KAZN: variants seen among roughly 807,000 people sequenced by gnomAD.
The protein encoded by KAZN is kazrin, periplakin interacting protein.
In KAZN, 40 loss-of-function variants were observed where a neutral mutation model predicts 87.4. The ratio of observed to expected loss-of-function variants is 0.46; its 90% confidence interval spans 0.36 to 0.60. The LOEUF (loss-of-function observed/expected upper bound fraction) is 0.60, where lower values mean the gene tolerates loss of function less well. KAZN is among the 20% of genes least tolerant of loss of function. KAZN has a pLI of 0.00. For missense variants in KAZN, 898 were observed against 1,073.9 expected, an observed-to-expected ratio of 0.84 and a Z score of 2.29; for synonymous variants, 466 against 458.3, an observed-to-expected ratio of 1.02 and a Z score of -0.22.
At chr1:14,460,750 G>A in intron 2 of KAZN, among the ~76,000 whole-genome samples, 1 of 152,130 alleles carries the variant, frequency 6.6e-6, no homozygotes, top group East Asian at 1.9e-4. Context: ...CAGAAATAGA[G>A]GCTCCTTGGG....
intron 1 of KAZN, among the ~76,000 whole-genome samples, chr1:14,011,289 C>A (rs1640293288): frequency 1.3e-5 from 2 of 152,228 alleles, no homozygotes; most frequent in Admixed American, 1.3e-4. Context: ...TTCTTGCTCA[C>A]CATGATCCAG....
At chr1:14,182,597 A>G (rs998872767) in intron 2 of KAZN, among the ~76,000 whole-genome samples, 4 of 152,180 alleles carry the variant, frequency 2.6e-5, no homozygotes, top group Admixed American at 2.6e-4. Context: ...AGTGTTGCCA[A>G]GCTTATAAAA....
chr1:14,526,992 G>A (rs1452874900), intron 2 of KAZN, among the ~76,000 whole-genome samples: 2 of 152,148 alleles, frequency 1.3e-5, no homozygotes, highest in Admixed American at 6.5e-5. Flanking sequence ...TCCTCTTATA[G>A]GTAGTTAATT....
chr1:14,378,744 G>A (rs1661120492), intron 2 of KAZN, among the ~76,000 whole-genome samples: 1 of 152,168 alleles, frequency 6.6e-6, no homozygotes, highest in Non-Finnish European at 1.5e-5. Flanking sequence ...AGGAACTTGA[G>A]TTCTGGCAAG....
intron 1 of KAZN, among the ~76,000 whole-genome samples, chr1:14,037,730 A>ATT (rs1018491050): frequency 3.9e-5 from 6 of 152,184 alleles, no homozygotes; most frequent in African/African-American, 1.2e-4. Flanking sequence ...TCATGAAGAA[A>ATT]TGGGGTTCAA....
intron 1 of KAZN, among the ~76,000 whole-genome samples, chr1:14,671,141 G>A (rs1170986251): frequency 1.3e-5 from 2 of 152,124 alleles, no homozygotes; most frequent in Non-Finnish European, 2.9e-5. Context: ...TGGAGGAGGG[G>A]GTACTTAAAT....
chr1:15,092,048 TTTTG>T (rs1048400053), intron 8 of KAZN, among the ~76,000 whole-genome samples: 4 of 130,986 alleles, frequency 3.1e-5, no homozygotes, highest in Non-Finnish European at 1.5e-5. Flanking sequence ...TAATCAGAGG[TTTTG>T]TTTTTTTGTT....
In KAZN at chr1:14,113,549, C is replaced by T. The variant is rs144249141; in HGVS notation, c.92-66886C>T. On this transcript the variant is annotated intron_variant, in intron 1 of 16. Transcript: ENST00000636203. ...TACTTGGTATTTTTCCAAAAACTTC[C>T]ATGTTTGAGTTGATTATCCTGTTTT... 7.2e-3 allele frequency among the ~76,000 whole-genome samples: 1,103 copies of T among 152,202 alleles called. 17 individuals are homozygous for T. The highest frequency in any genetic ancestry group is 0.025 in the African/African-American group (1,026 of 41,490).
chr1:14,188,236 T>TGTGTGTGA (rs1406316215), intron 2 of KAZN, among the ~76,000 whole-genome samples: 6 of 139,204 alleles, frequency 4.3e-5, no homozygotes, highest in African/African-American at 1.3e-4. Flanking sequence ...TGTGTGTGTG[T>TGTGTGTGA]GAAAGAGAAG....
At chr1:14,622,398 G>A (rs530663817) in intron 1 of KAZN, among the ~76,000 whole-genome samples, 1 of 152,010 alleles carries the variant, frequency 6.6e-6, no homozygotes, top group African/African-American at 2.4e-5. Context: ...TGTGTTTTTT[G>A]AAAATATTAA....
chr1:13,978,262 A>G (rs890517509), intron 1 of KAZN, among the ~76,000 whole-genome samples: 1 of 151,982 alleles, frequency 6.6e-6, no homozygotes, highest in Non-Finnish European at 1.5e-5. Context: ...TTTGGCAGTT[A>G]GCTAGAGCCT....
intron 2 of KAZN, among the ~76,000 whole-genome samples, chr1:14,490,939 AAAAT>A (rs1669616105): frequency 6.6e-6 from 1 of 152,230 alleles, no homozygotes; most frequent in South Asian, 2.1e-4. Context: ...TTTCAAAAGA[AAAAT>A]AAATCCAAAG....
chr1:14,032,088 TC>T (rs1341162427), intron 1 of KAZN, among the ~76,000 whole-genome samples: 4 of 152,152 alleles, frequency 2.6e-5, no homozygotes, highest in Non-Finnish European at 4.4e-5. Flanking sequence ...TGCTGGGGTC[TC>T]CCCACCAACC....
intron 1 of KAZN, among the ~76,000 whole-genome samples, chr1:14,006,630 G>C (rs1640048313): frequency 6.6e-6 from 1 of 152,034 alleles, no homozygotes; most frequent in South Asian, 2.1e-4. Flanking sequence ...TTGGTGCCCT[G>C]GTTGAAAATT....
intron 1 of KAZN, among the ~76,000 whole-genome samples, chr1:13,943,444 TA>T (rs199586027): frequency 0.025 from 3,841 of 152,050 alleles, 72 homozygotes; most frequent in Middle Eastern, 0.061. Context: ...ATCTCTATGT[TA>T]AAAAAAATTT....
At chr1:14,450,046 C>T (rs534767029) in intron 2 of KAZN, among the ~76,000 whole-genome samples, 1 of 152,228 alleles carries the variant, frequency 6.6e-6, no homozygotes, top group Non-Finnish European at 1.5e-5. Flanking sequence ...TTTGCTCACC[C>T]TGTGCAAATG....
rs555460356 is a variant in KAZN, at chr1:14,915,533, G to GCT, written c.227-45150_227-45149insTC. Reference sequence around the variant, plus strand: ...TGGGGAAGAAGAAGTTCCGCTAGTAGCCACCAGGGGCAGCAGAGGACACAT... The same window carrying GCT: ...TGGGGAAGAAGAAGTTCCGCTAGTAGCTCCACCAGGGGCAGCAGAGGACACAT... On this transcript the variant is annotated intron_variant, in intron 1 of 14. Coordinates refer to ENST00000376030, the MANE Select transcript of KAZN (RefSeq NM_201628.3). 1.4e-4 allele frequency among the ~76,000 whole-genome samples: 22 copies of GCT among 152,316 alleles called. No homozygotes were observed. The East Asian group carries it at 4.1e-3, about 28-fold the overall frequency.
chr1:14,371,559 C>T (rs750993383), intron 2 of KAZN, among the ~76,000 whole-genome samples: 11 of 151,990 alleles, frequency 7.2e-5, no homozygotes, highest in Non-Finnish European at 1.2e-4. Context: ...CTGGGAGAGG[C>T]TGAGTGTCTA....
intron 2 of KAZN, among the ~76,000 whole-genome samples, chr1:14,405,115 C>T (rs191105183): frequency 6.6e-6 from 1 of 152,302 alleles, no homozygotes; most frequent in Non-Finnish European, 1.5e-5. Flanking sequence ...ATACAAAATG[C>T]TTTCAACTCA....
Sources: allele counts gnomAD v4.1 joint callset (sites outside exome capture counted in the v4.1 genomes callset), GRCh38; gene constraint gnomAD v4.1.1; transcripts MANE v1.5; gene names NCBI Gene and HGNC (gene_info 2026-07-23, HGNC 2026-07-21).